Variants in PSEN1 observed in about 807,000 individuals in gnomAD.
PSEN1 encodes presenilin-1.
PSEN1 carries 15 observed loss-of-function variants against 53.5 expected under a neutral mutation model. That is an observed-to-expected ratio of 0.28 (90% CI 0.19 to 0.43). The LOEUF (loss-of-function observed/expected upper bound fraction) is 0.43, where lower values mean the gene tolerates loss of function less well. Among genes scored for constraint, PSEN1 ranks in the 20% least tolerant of loss-of-function variants. The pLI is 1.00. For synonymous variants in PSEN1, 208 were observed against 209.8 expected, an observed-to-expected ratio of 0.99 and a Z score of 0.08; for missense variants, 387 against 571.2, an observed-to-expected ratio of 0.68 and a Z score of 3.29.
intron 7 of PSEN1, among the ~76,000 whole-genome samples, chr14:73,193,566 CAA>C (rs796777090): frequency 4.3e-5 from 5 of 116,628 alleles, no homozygotes; most frequent in Admixed American, 2.6e-4. Flanking sequence ...AAAAAAAAAG[CAA>C]AAAAAAAAAA....
chr14:73,219,068 T>G, intron 11 of PSEN1, 66 bp from the exon 12 acceptor site: 4 of 1,539,588 alleles, frequency 2.6e-6, no homozygotes, highest in Non-Finnish European at 3.6e-6. Context: ...GACTTGTGAT[T>G]GAGTTTTGCC....
Position 73,217,196 on chromosome 14 carries a change from C to G in PSEN1, c.1200C>G (p.Ala400=). 1 of 1,613,838 alleles carries G rather than the reference C, an allele frequency of 6.2e-7. No homozygotes were observed. Among genetic ancestry groups the G allele is most frequent in the East Asian group, 2.2e-5 (1 of 44,878 alleles). The change falls in exon 11 of 12, where the codon GCC becomes GCG. Residue 400 remains alanine (A), a synonymous_variant. Coordinates refer to ENST00000324501, the MANE Select transcript of PSEN1 (RefSeq NM_000021.4). ...SVLVGKASAT[A]SGDWNTTIAC... ...TGGTTGGTAAAGCCTCAGCAACAGCCAGTGGAGACTGGAACACAACCATAG... is the reference window on the plus strand; with the variant it reads ...TGGTTGGTAAAGCCTCAGCAACAGCGAGTGGAGACTGGAACACAACCATAG...
intron 3 of PSEN1, among the ~76,000 whole-genome samples, chr14:73,166,667 A>G (rs1406464213): frequency 1.3e-5 from 2 of 152,212 alleles, no homozygotes; most frequent in Non-Finnish European, 2.9e-5. Context: ...CTTGCTGTCT[A>G]TCACAGTATG....
At chr14:73,138,991 A>C (rs966706484) in intron 1 of PSEN1, among the ~76,000 whole-genome samples, 1 of 147,626 alleles carries the variant, frequency 6.8e-6, no homozygotes, top group Non-Finnish European at 1.5e-5. Context: ...AAATGTAAAA[A>C]GAGGCTGGGT....
intron 3 of PSEN1, among the ~76,000 whole-genome samples, chr14:73,149,769 CT>C (rs1423113014): frequency 6.6e-6 from 1 of 152,152 alleles, no homozygotes; most frequent in Admixed American, 6.5e-5. Flanking sequence ...CTAACCAAGT[CT>C]TATTCAATTA....
At chr14:73,185,038 T>C in intron 5 of PSEN1, among the ~76,000 whole-genome samples, 1 of 144,616 alleles carries the variant, frequency 6.9e-6, no homozygotes, top group African/African-American at 2.6e-5. Flanking sequence ...CCTCACTTCC[T>C]AGATGTGATG....
rs578106130 is a variant in PSEN1, at chr14:73,172,488, T to C, written c.339-1078T>C. On this transcript the variant is annotated intron_variant, in intron 4 of 11. Transcript: ENST00000324501. ...CCACAGGCCAGATCTGTCTGCTACC[T>C]TTCCACAAAGGTGTAATAACAAAGT... Among the ~76,000 whole-genome samples the C allele has an allele frequency of 4.6e-5, 7 of 152,352 alleles. No individual in the cohort carries two copies. The South Asian group carries it at 6.2e-4, about 14-fold the overall frequency.
chr14:73,201,957 G>A (rs1324362333), intron 8 of PSEN1, among the ~76,000 whole-genome samples: 3 of 152,030 alleles, frequency 2.0e-5, no homozygotes, highest in Non-Finnish European at 2.9e-5. Context: ...ACATTGGCCA[G>A]GCTGGCCTTG....
rs182240698 is a variant in PSEN1 at position 73,189,383 on chromosome 14, G to C, written c.548+2463G>C. ...CCCAGCACTTTGGGAGGCCGAGGCG[G>C]GTGGTTCACCTGAGGTTAGGAGTTT... On this transcript the variant is annotated intron_variant, in intron 6 of 11. Transcript: ENST00000324501. Among the ~76,000 whole-genome samples the C allele has an allele frequency of 5.2e-3, 784 of 152,208 alleles. 4 individuals carry two copies. Among genetic ancestry groups the C allele is most frequent in the African/African-American group, 0.018 (751 of 41,534 alleles).
chr14:73,137,161 A>C (rs1896770815), intron 1 of PSEN1: 1 of 152,396 alleles, frequency 6.6e-6, no homozygotes, highest in Non-Finnish European at 1.5e-5. Context: ...TGCTTTAGGC[A>C]TATTAATCCA....
At chr14:73,215,257 G>A (rs556332591) in intron 10 of PSEN1, among the ~76,000 whole-genome samples, 12 of 148,206 alleles carry the variant, frequency 8.1e-5, no homozygotes, top group Non-Finnish European at 1.6e-4. Flanking sequence ...CACTGTGCCC[G>A]GCCAAAAAAA....
intron 3 of PSEN1, chr14:73,168,900 A>T (rs1330724996): frequency 6.6e-6 from 1 of 152,268 alleles, no homozygotes. Context: ...GGCCGCATAG[A>T]GCCTGCGCCT....
At chr14:73,183,121 C>G (rs1016847540) in intron 5 of PSEN1, among the ~76,000 whole-genome samples, 1 of 151,780 alleles carries the variant, frequency 6.6e-6, no homozygotes, top group African/African-American at 2.4e-5. Context: ...CTCAGCTTAC[C>G]TTTTTTGTTT....
At chr14:73,156,686 G>A (rs1897364629) in intron 3 of PSEN1, among the ~76,000 whole-genome samples, 3 of 150,144 alleles carry the variant, frequency 2.0e-5, no homozygotes, top group Admixed American at 2.0e-4. Flanking sequence ...TTTTTGAGAT[G>A]GAGTCTTGCT....
At chr14:73,148,183 G>C in intron 3 of PSEN1, 77 bp downstream of exon 3, 1 of 1,150,530 alleles carries the variant, frequency 8.7e-7, no homozygotes, top group South Asian at 1.3e-5. Flanking sequence ...GAGAAATGCT[G>C]AGGGGGCTAG....
intron 8 of PSEN1, among the ~76,000 whole-genome samples, chr14:73,203,099 A>G (rs189892939): frequency 2.4e-4 from 36 of 151,994 alleles, no homozygotes; most frequent in African/African-American, 8.7e-4. Flanking sequence ...TGTTTTTGAG[A>G]TGGAGTTTCA....
intron 5 of PSEN1, among the ~76,000 whole-genome samples, chr14:73,186,547 C>T (rs950160887): frequency 2.0e-5 from 3 of 152,120 alleles, no homozygotes; most frequent in Admixed American, 6.6e-5. Flanking sequence ...GAGTCTGAGG[C>T]GGGCGGATCA....
Position 73,192,687 on chromosome 14 carries a change from GT to G in PSEN1, c.594del (p.Ala199HisfsTer3). The G allele has an allele frequency of 6.2e-7, 1 of 1,614,026 alleles. No homozygotes were observed. Among genetic ancestry groups the G allele is most frequent in the Non-Finnish European group, 8.5e-7 (1 of 1,179,992 alleles). On this transcript the variant is annotated frameshift_variant, in exon 7 of 12. Coordinates refer to ENST00000324501, the MANE Select transcript of PSEN1 (RefSeq NM_000021.4). LOFTEE classifies it high-confidence loss of function. ...TYNVAVDYITVALLIWNFGVV... is the reference protein window; with the variant it reads ...TYNVAVDYITXALLIWNFGVV... ...TAACGTTGCTGTGGACTACATTACTGTTGCACTCCTGATCTGGAATTTTGGT... is the reference window on the plus strand; with the variant it reads ...TAACGTTGCTGTGGACTACATTACTGTGCACTCCTGATCTGGAATTTTGGT...
At chr14:73,197,213 G>A (rs1311910525) in intron 7 of PSEN1, among the ~76,000 whole-genome samples, 14 of 152,266 alleles carry the variant, frequency 9.2e-5, no homozygotes, top group Admixed American at 9.2e-4. Flanking sequence ...GATTGCAGGC[G>A]TGAGCCACTG....
Sources: gnomAD v4.1 joint callset for allele counts (sites outside exome capture counted in the v4.1 genomes callset) on GRCh38, gnomAD v4.1.1 for gene constraint, MANE v1.5 for transcripts, NCBI Gene and HGNC (gene_info 2026-07-23, HGNC 2026-07-21) for gene names.